RBM44: variants seen among roughly 807,000 people sequenced by gnomAD.
RBM44 encodes the protein RNA-binding protein 44.
Under a neutral mutation model 105.1 loss-of-function variants are expected in RBM44, and 66 were observed. The ratio of observed to expected loss-of-function variants is 0.63; its 90% CI spans 0.52 to 0.77. RBM44 has a LOEUF of 0.77. RBM44 is among the 30% of genes least tolerant of loss of function. RBM44 has a pLI of 0.00. For synonymous variants in RBM44, 365 were observed against 417.6 expected (o/e 0.87, Z 1.54); for missense variants, 1,122 against 1,207.8 (o/e 0.93, Z 1.05).
Position 237,820,300 on chromosome 2 carries a change from A to G in RBM44, c.1862A>G (p.His621Arg), listed in dbSNP as rs1409771909. 10 of 1,601,394 alleles carry G rather than the reference A, an allele frequency of 6.2e-6. No individual in the cohort carries two copies. The highest frequency in any genetic ancestry group is 8.5e-6 in the Non-Finnish European group (10 of 1,173,480). The change falls in exon 5 of 16, where the codon CAT becomes CGT. Residue 621 changes from histidine to arginine, a missense_variant. Around this residue, in one of 3 missense-constraint regions of RBM44, gnomAD observed 918 missense variants for 955.3 expected, o/e 0.96. Coordinates refer to ENST00000316997, the MANE Select transcript of RBM44 (RefSeq NM_001080504.3). Reference sequence around the variant, plus strand: ...GTTCACTATCAGATGTGTCGTCGCCATTGTTGTGATATTTACAAACTTGTC... The same window carrying G: ...GTTCACTATCAGATGTGTCGTCGCCGTTGTTGTGATATTTACAAACTTGTC... ...LNVHYQMCRR[H>R]CCDIYKLVME...
intron 12 of RBM44, among the ~76,000 whole-genome samples, chr2:237,828,271 T>C (rs1249845184): frequency 6.6e-6 from 1 of 152,134 alleles, no homozygotes; most frequent in Non-Finnish European, 1.5e-5. Flanking sequence ...AAAATTTTTA[T>C]CAATTAAGAA....
intron 12 of RBM44, among the ~76,000 whole-genome samples, chr2:237,828,161 T>G (rs780429022): frequency 6.6e-6 from 1 of 152,186 alleles, no homozygotes; most frequent in Non-Finnish European, 1.5e-5. Flanking sequence ...TTTGTGACAT[T>G]GCCAGATCAT....
rs373915741 is a variant in RBM44 at position 237,818,025 on chromosome 2, C to T, written c.1106C>T (p.Thr369Ile). ...STLPQDKALETLLQPCKDCQT... is the reference protein window; with the variant it reads ...STLPQDKALEILLQPCKDCQT... ...TTACCACAGGATAAAGCTTTAGAGA[C>T]ATTACTCCAACCCTGTAAAGATTGT... Residue 369 changes from threonine (T) to isoleucine (I), a missense_variant, in exon 3 of 16, where the codon ACA becomes ATA. This residue lies in a region of RBM44 where 918 missense variants were observed against 955.3 expected (regional missense o/e 0.96). Transcript: ENST00000316997. The surrounding 1 kb of genome is among the most constrained non-coding windows in gnomAD (Gnocchi z 4.6). 1.2e-5 allele frequency: 19 copies of T among 1,612,602 alleles called. No homozygotes were observed. The South Asian group carries it at 2.0e-4, about 17-fold the overall frequency.
At chr2:237,838,343 T>C (rs2061979260) in intron 15 of RBM44, among the ~76,000 whole-genome samples, 2 of 152,050 alleles carry the variant, frequency 1.3e-5, no homozygotes, top group Non-Finnish European at 2.9e-5. Flanking sequence ...ATAAAAAAAC[T>C]AAGATAATTT....
At chr2:237,840,187 C>CAAAAAAAAAAAAAAAAAAAAAAAAAAAAA (rs34666443) in intron 15 of RBM44, among the ~76,000 whole-genome samples, 1 of 64,910 alleles carries the variant, frequency 1.5e-5, no homozygotes, top group Non-Finnish European at 2.8e-5. Flanking sequence ...GACTCTATCT[C>CAAAAAAAAAAAAAAAAAAAAAAAAAAAAA]AAAAAAAAAA....
At chr2:237,830,535 A>G (rs2150987437) in intron 13 of RBM44, among the ~76,000 whole-genome samples, 1 of 152,292 alleles carries the variant, frequency 6.6e-6, no homozygotes, top group African/African-American at 2.4e-5. Context: ...AGCATAATCC[A>G]AGGTCACAGA....
At chr2:237,815,380 C>T (rs905606884) in intron 2 of RBM44, among the ~76,000 whole-genome samples, 4 of 152,038 alleles carry the variant, frequency 2.6e-5, no homozygotes, top group Non-Finnish European at 4.4e-5. Context: ...TTATCCTCAT[C>T]GTCCTCCTCA....
At chr2:237,834,943 G>C (rs963880890) in intron 15 of RBM44, 1 of 152,290 alleles carries the variant, frequency 6.6e-6, no homozygotes, top group Non-Finnish European at 1.5e-5. Flanking sequence ...ACCCTCAGTA[G>C]TCGCAGATAC....
At chr2:237,814,157 T>G (rs1003357088) in intron 2 of RBM44, among the ~76,000 whole-genome samples, 6 of 152,198 alleles carry the variant, frequency 3.9e-5, no homozygotes, top group African/African-American at 1.4e-4. Context: ...AAGATATATA[T>G]ATTCTAGATT....
At position 237,817,039 on chromosome 2, in the gene RBM44, T is replaced by C. The variant is rs2061725645; in HGVS notation, c.120T>C (p.Asn40=). 6.3e-7 allele frequency: 1 copy of C among 1,577,056 alleles called. No individual in the cohort carries two copies. The highest frequency in any genetic ancestry group is 1.2e-5 in the South Asian group (1 of 86,128). ...AAGAAAATTTGTTATTATCCTCCAA[T>C]GGTTGTGATGAAGTCAAATTGACTT... is the stretch of plus-strand genomic sequence containing the variant. ...PKKENLLLSS[N]GCDEVKLTFP... is the part of the protein sequence containing the mutation. Residue 40 remains asparagine (N), a synonymous_variant, in exon 3 of 16, where the codon AAT becomes AAC. Coordinates refer to ENST00000316997, the MANE Select transcript of RBM44 (RefSeq NM_001080504.3).
Position 237,821,169 on chromosome 2 carries a change from TA to T in RBM44, c.2013del (p.His672ThrfsTer14). 1 of 1,611,184 alleles carries T rather than the reference TA, an allele frequency of 6.2e-7. No homozygotes were observed. On this transcript the variant is annotated frameshift_variant, in exon 6 of 16. Coordinates refer to ENST00000316997, the MANE Select transcript of RBM44 (RefSeq NM_001080504.3). LOFTEE classifies it high-confidence loss of function. ...AGATATGTGACTTTGAAAGAAAAAA[TA>T]CACAAAGGCATACCACTGGAAGAGC... ...KVRYVTLKEK[I>X]HKGIPLEELP...
At chr2:237,824,501 G>T in intron 10 of RBM44, 82 bp downstream of exon 10, 2 of 1,084,516 alleles carry the variant, frequency 1.8e-6, no homozygotes, top group Non-Finnish European at 2.6e-6. Context: ...GTTGTGTTGG[G>T]CAACTGAGTT....
Position 237,829,463 on chromosome 2 carries a change from G to A in RBM44, c.2847G>A (p.Leu949=). 6.2e-7 allele frequency: 1 copy of A among 1,613,652 alleles called. No individual in the cohort carries two copies. Among genetic ancestry groups the A allele is most frequent in the Admixed American group, 1.7e-5 (1 of 59,994 alleles). ...SRLPRTRPRQ[L]GSEQDSEVFP... ...TGCCCAGAACTAGGCCACGGCAGCT[G>A]GGTTCTGAGCAAGACAGTGAGGTTT... is the stretch of plus-strand genomic sequence containing the variant. Residue 949 remains leucine, a synonymous_variant, in exon 13 of 16, where the codon CTG becomes CTA. Transcript: ENST00000316997.
intron 13 of RBM44, 35 bp from the exon 14 acceptor site, chr2:237,833,962 C>T: frequency 7.5e-7 from 1 of 1,341,088 alleles, no homozygotes; most frequent in Non-Finnish European, 1.0e-6. Context: ...ATGGTCCTTA[C>T]TGATTTTAAG....
At chr2:237,825,163 T>C (rs2061835759) in intron 10 of RBM44, among the ~76,000 whole-genome samples, 2 of 152,148 alleles carry the variant, frequency 1.3e-5, no homozygotes. Flanking sequence ...ATATATTTAA[T>C]ATACATATAC....
rs779805798 is a variant in RBM44, at chr2:237,818,485, A to C, written c.1566A>C (p.Thr522=). The C allele has an allele frequency of 1.4e-5, 23 of 1,612,518 alleles. No individual in the cohort carries two copies. In the East Asian group the frequency reaches 5.1e-4, roughly 36 times the overall value. The change falls in exon 3 of 16, where the codon ACA becomes ACC. Residue 522 remains threonine (T), a synonymous_variant. Transcript: ENST00000316997. The surrounding 1 kb of genome is among the most constrained non-coding windows in gnomAD (Gnocchi z 4.6). Reference sequence around the variant, plus strand: ...AACAAAAAAGTGTGGCTTGTAGTACAGATTGGTCATACAGTGAAGATTGTA... The same window carrying C: ...AACAAAAAAGTGTGGCTTGTAGTACCGATTGGTCATACAGTGAAGATTGTA... ...NEKQKSVACS[T]DWSYSEDCID...
In RBM44 at chr2:237,837,990, G is replaced by C. The variant is rs562889586; in HGVS notation, c.*22+3567G>C. 3.5e-5 allele frequency among the ~76,000 whole-genome samples: 5 copies of C among 144,812 alleles called. No individual in the cohort carries two copies. In the East Asian group the frequency reaches 9.6e-4, roughly 28 times the overall value. Reference sequence around the variant, plus strand: ...CCAATTTTGAAAGAAGTCCTTCTCTGGGTAAAATGCTATCATACAGAATCT... The same window carrying C: ...CCAATTTTGAAAGAAGTCCTTCTCTCGGTAAAATGCTATCATACAGAATCT... On this transcript the variant is annotated intron_variant, in intron 15 of 15. Coordinates refer to ENST00000316997, the MANE Select transcript of RBM44 (RefSeq NM_001080504.3).
chr2:237,827,689 CT>C (rs935204954), intron 12 of RBM44, among the ~76,000 whole-genome samples, 186 bp downstream of exon 12: 7 of 151,936 alleles, frequency 4.6e-5, no homozygotes, highest in African/African-American at 1.7e-4. Context: ...TTAACCAGAT[CT>C]TTTTTTTCAT....
In RBM44 at chr2:237,827,244, AAGC is replaced by A; in HGVS notation, c.2450-3_2450-1del. ...TCATTTCTGTTACATGTTTTTCTCT[AAGC>A]AGAAATGAAGAATGTTGAACCCTCA... On this transcript the variant is annotated splice_region_variant and splice_polypyrimidine_tract_variant and intron_variant, in intron 10 of 15. Transcript: ENST00000316997. 1 of 1,505,476 alleles carries A rather than the reference AAGC, an allele frequency of 6.6e-7. No individual in the cohort carries two copies. 93.3% of individuals were successfully genotyped at this position (1,505,476 alleles called of 1,614,324 possible).
Sources: allele counts gnomAD v4.1 joint callset (sites outside exome capture counted in the v4.1 genomes callset), GRCh38; gene constraint gnomAD v4.1.1; regional missense constraint gnomAD v4.1.1; non-coding constraint Gnocchi (gnomAD v3.1); transcripts MANE v1.5; gene names NCBI Gene and HGNC (gene_info 2026-07-23, HGNC 2026-07-21).